The following RELCH variants were observed in gnomAD, a reference collection of about 807,000 sequenced individuals.
RELCH encodes RAB11 binding and LisH domain, coiled-coil and HEAT repeat containing.
A neutral mutation model predicts 150.3 loss-of-function variants in RELCH; 41 were observed. The observed-to-expected ratio is 0.27, with a 90% CI of 0.21 to 0.35. The LOEUF (loss-of-function observed/expected upper bound fraction) is 0.35. RELCH is among the 10% of genes least tolerant of loss of function. The pLI is 1.00. For synonymous variants in RELCH, 478 were observed against 531.8 expected (o/e 0.90, Z 1.39); for missense variants, 1,092 against 1,467.8 (o/e 0.74, Z 4.18).
intron 20 of RELCH, among the ~76,000 whole-genome samples, chr18:62,270,132 T>A (rs1289975977): frequency 6.6e-6 from 1 of 152,194 alleles, no homozygotes; most frequent in Non-Finnish European, 1.5e-5. Flanking sequence ...AGGACCTCTC[T>A]CTGTCTCCAC....
rs2045831554 is a variant in RELCH at position 62,305,112 on chromosome 18, A to G, written c.3531-302A>G. Reference sequence around the variant, plus strand: ...ATCCTAATAACCCTAGGAGGCAAATACTAGAATCATCCTCGTTTTACAGAT... The same window carrying G: ...ATCCTAATAACCCTAGGAGGCAAATGCTAGAATCATCCTCGTTTTACAGAT... On this transcript the variant is annotated intron_variant, in intron 28 of 28. Transcript: ENST00000644646. This position sits in a 1 kb window ranked among gnomAD's most constrained non-coding sequence, Gnocchi z 4.0. Among the ~76,000 whole-genome samples, 1 of 152,214 alleles carries G rather than the reference A, an allele frequency of 6.6e-6. No homozygotes were observed. The highest frequency in any genetic ancestry group is 2.4e-5 in the African/African-American group (1 of 41,460).
At chr18:62,228,864 A>G (rs2041378176) in intron 8 of RELCH, among the ~76,000 whole-genome samples, 1 of 152,108 alleles carries the variant, frequency 6.6e-6, no homozygotes, top group South Asian at 2.1e-4. Flanking sequence ...CATAACTAAT[A>G]TGTTATTACT....
At chr18:62,271,626 C>G (rs1182511983) in intron 20 of RELCH, among the ~76,000 whole-genome samples, 2 of 152,108 alleles carry the variant, frequency 1.3e-5, no homozygotes, top group Non-Finnish European at 2.9e-5. Flanking sequence ...CTTTTGTTGT[C>G]ACTGCTTTTG....
chr18:62,291,932 A>G (rs180892077), intron 27 of RELCH, among the ~76,000 whole-genome samples: 3 of 152,136 alleles, frequency 2.0e-5, no homozygotes, highest in Admixed American at 6.5e-5. Context: ...CTGACCATCA[A>G]CTTTCTTAAG....
intron 13 of RELCH, among the ~76,000 whole-genome samples, chr18:62,255,893 G>A (rs2042972798): frequency 6.6e-6 from 1 of 152,102 alleles, no homozygotes; most frequent in Non-Finnish European, 1.5e-5. Context: ...AATCAGGGCA[G>A]TGGCACCCAA....
chr18:62,187,349 T>G lies in RELCH; in HGVS notation c.-157T>G. On this transcript the variant is annotated 5_prime_UTR_variant, in exon 1 of 29. Coordinates refer to ENST00000644646, the MANE Select transcript of RELCH (RefSeq NM_001346231.2). ...CATCAGGTGCAGCTGCATCCGGATC[T>G]CCTGCCTTGGAGCGTACTCCTTGTC... 1 of 598,366 alleles carries G rather than the reference T, an allele frequency of 1.7e-6. No homozygotes were observed. The highest frequency in any genetic ancestry group is 4.1e-5 in the South Asian group (1 of 24,562). The allele number at this position is 598,366 out of a possible 1,614,324, so 37.1% of individuals were successfully genotyped here. A position where few individuals can be genotyped will look rare whatever the true frequency, so the allele number is the denominator to read the frequency against.
intron 26 of RELCH, among the ~76,000 whole-genome samples, chr18:62,290,587 T>C (rs1354373693): frequency 6.6e-6 from 1 of 152,162 alleles, no homozygotes; most frequent in African/African-American, 2.4e-5. Flanking sequence ...TGGTGTGATA[T>C]TAAATAGGAG....
chr18:62,212,237 G>A (rs1042498040), intron 2 of RELCH, among the ~76,000 whole-genome samples: 14 of 152,160 alleles, frequency 9.2e-5, no homozygotes, highest in East Asian at 1.9e-4. Context: ...ATCTGCTACC[G>A]TTCTGGTGCC....
Position 62,281,383 on chromosome 18 carries a change from T to C in RELCH, c.3114+674T>C, listed in dbSNP as rs541437298. On this transcript the variant is annotated intron_variant, in intron 24 of 28. Coordinates refer to ENST00000644646, the MANE Select transcript of RELCH (RefSeq NM_001346231.2). ...TGTATTCTGATAACTGTGTCATTGG[T>C]ATGAAGCTGTAAAAGTGATTTAGTA... is the stretch of plus-strand genomic sequence containing the variant. Among the ~76,000 whole-genome samples the C allele has an allele frequency of 1.4e-4, 21 of 152,346 alleles. No homozygotes were observed. In the South Asian group the frequency reaches 4.4e-3, roughly 32 times the overall value.
chr18:62,307,974 CA>C lies in RELCH; in HGVS notation c.*2443del, dbSNP rs1291929711. Reference sequence around the variant, plus strand: ...TTAGAGAGATTATTTTGCTAAACATCAAATTGATTTTCAACCTGAACGAAAT... The same window carrying C: ...TTAGAGAGATTATTTTGCTAAACATCAATTGATTTTCAACCTGAACGAAAT... On this transcript the variant is annotated 3_prime_UTR_variant, in exon 29 of 29. Coordinates refer to ENST00000644646, the MANE Select transcript of RELCH (RefSeq NM_001346231.2). 6.6e-6 allele frequency: 1 copy of C among 152,126 alleles called. No homozygotes were observed. Among genetic ancestry groups the C allele is most frequent in the East Asian group, 1.9e-4 (1 of 5,198 alleles). The allele number at this position is 152,126 out of a possible 1,614,324, so 9.4% of individuals were successfully genotyped here.
At chr18:62,211,302 C>T (rs2040153418) in intron 2 of RELCH, 60 bp downstream of exon 2, 1 of 1,059,824 alleles carries the variant, frequency 9.4e-7, no homozygotes. Context: ...AATGAAATGG[C>T]TTGAGGAATT....
chr18:62,280,720 T>C lies in RELCH; in HGVS notation c.3114+11T>C, dbSNP rs1260980708. Reference sequence around the variant, plus strand: ...GTAATTCAAAGAGAGGTAGGAATAATTGAAATTTATTTATGTCTGTGTAAT... The same window carrying C: ...GTAATTCAAAGAGAGGTAGGAATAACTGAAATTTATTTATGTCTGTGTAAT... On this transcript the variant is annotated intron_variant, in intron 24 of 28. Transcript: ENST00000644646. 2 of 1,549,130 alleles carry C rather than the reference T, an allele frequency of 1.3e-6. No homozygotes were observed. The highest frequency in any genetic ancestry group is 1.8e-6 in the Non-Finnish European group (2 of 1,123,524).
At chr18:62,283,087 A>G (rs913844783) in intron 25 of RELCH, among the ~76,000 whole-genome samples, 4 of 152,212 alleles carry the variant, frequency 2.6e-5, no homozygotes, top group African/African-American at 7.2e-5. Flanking sequence ...ATAACTGCTA[A>G]TTGCTAAATA....
chr18:62,218,555 G>A (rs1003444416), intron 2 of RELCH, among the ~76,000 whole-genome samples: 3 of 151,928 alleles, frequency 2.0e-5, no homozygotes, highest in Admixed American at 6.6e-5. Flanking sequence ...AAGCACTCAA[G>A]TGCCTCTAAT....
At chr18:62,244,334 T>C (rs1162850027) in intron 10 of RELCH, among the ~76,000 whole-genome samples, 5 of 152,180 alleles carry the variant, frequency 3.3e-5, no homozygotes, top group Non-Finnish European at 2.9e-5. Flanking sequence ...CATTATATTG[T>C]CCTTACAGAA....
At chr18:62,206,625 A>G (rs1382093750) in intron 1 of RELCH, among the ~76,000 whole-genome samples, 1 of 152,198 alleles carries the variant, frequency 6.6e-6, no homozygotes, top group African/African-American at 2.4e-5. Context: ...GTAAGTAACA[A>G]TTTAACAGAG....
At chr18:62,268,296 G>A (rs1375347353) in intron 19 of RELCH, among the ~76,000 whole-genome samples, 1 of 151,928 alleles carries the variant, frequency 6.6e-6, no homozygotes, top group Non-Finnish European at 1.5e-5. Context: ...GCAGTTACAG[G>A]GCACAGAACT....
At chr18:62,233,347 C>T (rs771194010) in intron 10 of RELCH, among the ~76,000 whole-genome samples, 2 of 151,812 alleles carry the variant, frequency 1.3e-5, no homozygotes, top group African/African-American at 4.8e-5. Flanking sequence ...ACCACTGATT[C>T]AATCATAATT....
chr18:62,220,317 T>C (rs2040769905), intron 2 of RELCH, among the ~76,000 whole-genome samples: 1 of 112,044 alleles, frequency 8.9e-6, no homozygotes, highest in African/African-American at 4.2e-5. Flanking sequence ...AGTGAAACTG[T>C]TTCTATCCTG....
Sources: allele counts gnomAD v4.1 joint callset (sites outside exome capture counted in the v4.1 genomes callset), GRCh38; gene constraint gnomAD v4.1.1; non-coding constraint Gnocchi (gnomAD v3.1); transcripts MANE v1.5; gene names NCBI Gene and HGNC (gene_info 2026-07-23, HGNC 2026-07-21).